The following KRT75 variants were observed in gnomAD, a reference collection of about 807,000 sequenced individuals.
The protein encoded by KRT75 is keratin 75.
In KRT75, 35 loss-of-function variants were observed where a neutral mutation model predicts 48.8. That is an observed-to-expected ratio of 0.72 (90% confidence interval 0.55 to 0.95). The LOEUF (loss-of-function observed/expected upper bound fraction) is 0.95. Ranked by LOEUF, KRT75 falls within the 40% of genes least tolerant of loss-of-function variation. KRT75 has a pLI of 0.00. For missense variants in KRT75, 776 were observed against 709.9 expected (o/e 1.09, Z -1.06); for synonymous variants, 301 against 282.3 (o/e 1.07, Z -0.66).
At chr12:52,430,980 G>A (rs926866776) in intron 4 of KRT75, among the ~76,000 whole-genome samples, 9 of 152,178 alleles carry the variant, frequency 5.9e-5, no homozygotes, top group South Asian at 2.1e-4. Flanking sequence ...AATGTGACAC[G>A]TGTCTGTTCA....
chr12:52,433,832 T>C lies in KRT75; in HGVS notation c.473A>G (p.Asn158Ser). 1.2e-6 allele frequency: 2 copies of C among 1,614,080 alleles called. No homozygotes were observed. The highest frequency in any genetic ancestry group is 1.3e-5 in the African/African-American group (1 of 75,006). ...CTTGTCGATGAAGGAGGCGAACTTA[T>C]TGTTGAGGGTCTTGATCTGCTCGCG... ...EEREQIKTLN[N>S]KFASFIDKVR... The change falls in exon 1 of 9, where the codon AAT becomes AGT. Residue 158 changes from asparagine (N) to serine (S), a missense_variant. Transcript: ENST00000252245.
chr12:52,425,702 C>T (rs1940068123), intron 8 of KRT75, among the ~76,000 whole-genome samples: 1 of 152,214 alleles, frequency 6.6e-6, no homozygotes, highest in Non-Finnish European at 1.5e-5. Flanking sequence ...TTCCAGAACA[C>T]TATCTGGTTT....
intron 2 of KRT75, among the ~76,000 whole-genome samples, chr12:52,432,529 G>C (rs1027157628): frequency 6.6e-6 from 1 of 152,168 alleles, no homozygotes; most frequent in African/African-American, 2.4e-5. Context: ...GGGCAAGCTG[G>C]CTAATGGGTT....
intron 7 of KRT75, among the ~76,000 whole-genome samples, chr12:52,427,310 C>T (rs1242249356): frequency 2.0e-5 from 3 of 152,202 alleles, no homozygotes; most frequent in Admixed American, 6.5e-5. Context: ...TTATTATTAT[C>T]TTAGCAACCA....
intron 3 of KRT75, among the ~76,000 whole-genome samples, 162 bp from the exon 4 acceptor site, chr12:52,431,800 G>T (rs1461497144): frequency 6.6e-6 from 1 of 152,168 alleles, no homozygotes; most frequent in African/African-American, 2.4e-5. Flanking sequence ...AGAACTGGGG[G>T]CTTGAATTCC....
intron 8 of KRT75, 135 bp downstream of exon 8, chr12:52,426,682 A>G (rs1940079477): frequency 1.1e-6 from 1 of 943,556 alleles, no homozygotes; most frequent in South Asian, 1.3e-5. Context: ...CCAAAACCTC[A>G]AACCTTCTCC....
chr12:52,431,787 C>T (rs891765407), intron 3 of KRT75, 149 bp from the exon 4 acceptor site: 30 of 782,534 alleles, frequency 3.8e-5, no homozygotes, highest in East Asian at 2.1e-4. Context: ...TGGGTAATTA[C>T]GGAGAACTGG....
At chr12:52,431,715 TC>T in intron 3 of KRT75, 77 bp from the exon 4 acceptor site, 1 of 1,139,178 alleles carries the variant, frequency 8.8e-7, no homozygotes, top group Non-Finnish European at 1.3e-6. Flanking sequence ...AGCAGATTTC[TC>T]CCCAGCCCAT....
At chr12:52,431,965 C>A (rs1307915813) in intron 3 of KRT75, 41 bp downstream of exon 3, 1 of 1,603,160 alleles carries the variant, frequency 6.2e-7, no homozygotes, top group Non-Finnish European at 8.5e-7. Flanking sequence ...CTCCAGATTC[C>A]ATTTTAAACC....
chr12:52,428,356 C>A lies in KRT75; in HGVS notation c.1282G>T (p.Ala428Ser). The change falls in exon 7 of 9, where the codon GCT (alanine) becomes TCT (serine). Residue 428 changes from alanine (A) to serine (S), a missense_variant. Physicochemically the swap from Ala to Ser is moderately conservative, Grantham distance 99 (BLOSUM62 1). Transcript: ENST00000252245. Reference protein sequence around the residue: ...EALQKAKQDMARLLREYQELM... With the variant: ...EALQKAKQDMSRLLREYQELM... The stretch of plus-strand genomic sequence containing the variant: ...TCCTGGTACTCACGCAGGAGCCGAG[C>A]CATGTCCTGCTTGGCCTTCTGCAGG... 1 of 1,614,168 alleles carries A rather than the reference C, an allele frequency of 6.2e-7. No homozygotes were observed. Among genetic ancestry groups the A allele is most frequent in the East Asian group, 2.2e-5 (1 of 44,864 alleles).
In KRT75 at chr12:52,434,064, G is replaced by A. The variant is rs374682761; in HGVS notation, c.241C>T (p.Arg81Ter). The change falls in exon 1 of 9, where the codon CGA becomes TGA. Residue 81 changes from arginine (R) to a stop codon, truncating the protein, a stop_gained. Transcript: ENST00000252245. LOFTEE classifies it high-confidence loss of function. ...CTGGCCCTGCCACCAAAGCCACTTCGGCAGCTGCTGCCACACCCATTGATG... is the reference window on the plus strand; with the variant it reads ...CTGGCCCTGCCACCAAAGCCACTTCAGCAGCTGCTGCCACACCCATTGATG... The part of the protein sequence containing the change: ...VSINGCGSSC[R>*]SGFGGRASNR... 6.2e-6 allele frequency: 10 copies of A among 1,614,100 alleles called. No homozygotes were observed. The highest frequency in any genetic ancestry group is 1.6e-4 in the Middle Eastern group (1 of 6,062).
intron 5 of KRT75, among the ~76,000 whole-genome samples, chr12:52,429,245 A>G (rs1565792079): frequency 6.6e-6 from 1 of 152,190 alleles, no homozygotes; most frequent in Non-Finnish European, 1.5e-5. Context: ...GCGTGCATCC[A>G]GACCAACTGT....
intron 7 of KRT75, among the ~76,000 whole-genome samples, 167 bp from the exon 8 acceptor site, chr12:52,427,018 G>T (rs1231287429): frequency 6.6e-6 from 1 of 152,198 alleles, no homozygotes; most frequent in East Asian, 1.9e-4. Flanking sequence ...TAGTATTAAA[G>T]ATAATATTAA....
At chr12:52,429,183 A>C (rs1940112155) in intron 5 of KRT75, among the ~76,000 whole-genome samples, 1 of 152,162 alleles carries the variant, frequency 6.6e-6, no homozygotes, top group African/African-American at 2.4e-5. Flanking sequence ...GGTGAGTTCT[A>C]GGAGTGAGAC....
At position 52,431,652 on chromosome 12, in the gene KRT75, G is replaced by T; in HGVS notation, c.775-14C>A. ...AGCATCTACGTCCTGGAATGACAGCGCAGGATGCTCCTTTGAGTCTGCAGC... is the reference window on the plus strand; with the variant it reads ...AGCATCTACGTCCTGGAATGACAGCTCAGGATGCTCCTTTGAGTCTGCAGC... On this transcript the variant is annotated splice_polypyrimidine_tract_variant and intron_variant, in intron 3 of 8. Transcript: ENST00000252245. The T allele has an allele frequency of 1.3e-6, 2 of 1,579,232 alleles. No homozygotes were observed. The highest frequency in any genetic ancestry group is 1.7e-6 in the Non-Finnish European group (2 of 1,148,236).
chr12:52,431,662 C>T, intron 3 of KRT75, 24 bp from the exon 4 acceptor site: 3 of 1,515,798 alleles, frequency 2.0e-6, no homozygotes, highest in Admixed American at 1.7e-5. Context: ...GCAGGATGCT[C>T]CTTTGAGTCT....
chr12:52,428,267 G>T lies in KRT75; in HGVS notation c.1371C>A (p.Gly457=), dbSNP rs751316207. Residue 457 remains glycine (G), a synonymous_variant, in exon 7 of 9, where the codon GGC becomes GGA. Transcript: ENST00000252245. The part of the protein sequence containing the change: ...EIATYRKLLE[G]EECRLSGEGV... ...TGCATCTGCCTCACCTGCACTCCTC[G>T]CCTTCCAGCAGCTTGCGGTAGGTGG... The T allele has an allele frequency of 1.2e-6, 2 of 1,613,876 alleles. No individual in the cohort carries two copies. The highest frequency in any genetic ancestry group is 2.7e-5 in the African/African-American group (2 of 74,898).
rs773016364 is a variant in KRT75, at chr12:52,432,009, T to C, written c.771A>G (p.Lys257=). Residue 257 remains lysine (K), a synonymous_variant, in exon 3 of 9, where the codon AAA becomes AAG. Coordinates refer to ENST00000252245, the MANE Select transcript of KRT75 (RefSeq NM_004693.3). ...TAAENEFVAL[K]KDVDAAYMNK... ...TGAGAGAAACATCCCCACTCACCTT[T>C]TTCAGGGCTACAAATTCATTCTCAG... is the stretch of plus-strand genomic sequence containing the variant. 6.2e-7 allele frequency: 1 copy of C among 1,614,196 alleles called. No homozygotes were observed. Among genetic ancestry groups the C allele is most frequent in the Admixed American group, 1.7e-5 (1 of 60,026 alleles).
In KRT75 at chr12:52,424,411, C is replaced by A. The variant is rs185860734; in HGVS notation, c.*106G>T. On this transcript the variant is annotated 3_prime_UTR_variant, in exon 9 of 9. Transcript: ENST00000252245. The stretch of plus-strand genomic sequence containing the variant: ...TATAGCCAGTACTCCAGGCTCCCAG[C>A]AGCACAGGTGCACCTTACAAGGAGA... 1.9e-6 allele frequency: 2 copies of A among 1,073,798 alleles called. No individual in the cohort carries two copies. Among genetic ancestry groups the A allele is most frequent in the Non-Finnish European group, 1.5e-6 (1 of 688,958 alleles). The allele number at this position is 1,073,798 out of a possible 1,614,324, so 66.5% of individuals were successfully genotyped here. A position where few individuals can be genotyped will look rare whatever the true frequency, so the allele number is the denominator to read the frequency against.
Sources: gnomAD v4.1 joint callset for allele counts (sites outside exome capture counted in the v4.1 genomes callset) on GRCh38, gnomAD v4.1.1 for gene constraint, MANE v1.5 for transcripts, NCBI Gene and HGNC (gene_info 2026-07-23, HGNC 2026-07-21) for gene names.